Variants in RAD50 observed in about 807,000 individuals in gnomAD.
The protein encoded by RAD50 is RAD50 double strand break repair protein.
Under a neutral mutation model 168.8 loss-of-function variants are expected in RAD50, and 132 were observed. The observed-to-expected ratio is 0.78, with a 90% CI of 0.68 to 0.90. RAD50 has a LOEUF of 0.90. Among genes scored for constraint, RAD50 ranks in the 40% least tolerant of loss-of-function variants. The probability of loss-of-function intolerance (pLI) is 0.00; values close to 1 mark genes in which losing one functional copy is unlikely to be tolerated. For synonymous variants in RAD50, 525 were observed against 497.4 expected, an observed-to-expected ratio of 1.06 and a Z score of -0.74; for missense variants, 1,347 against 1,534.4, an observed-to-expected ratio of 0.88 and a Z score of 2.04.
intron 2 of RAD50, among the ~76,000 whole-genome samples, chr5:132,566,377 C>A (rs1347950398): frequency 2.0e-5 from 3 of 152,196 alleles, no homozygotes; most frequent in Non-Finnish European, 1.5e-5. Flanking sequence ...CTCCTTAGTT[C>A]AACTACTGTG....
At chr5:132,598,573 G>A (rs781554819) in intron 13 of RAD50, among the ~76,000 whole-genome samples, 42 of 152,006 alleles carry the variant, frequency 2.8e-4, no homozygotes, top group African/African-American at 8.5e-4. Context: ...GGGGTCTTAC[G>A]GTTGCAGTCA....
In RAD50 at chr5:132,604,790, A is replaced by T. The variant is rs1204782492; in HGVS notation, c.2525-16A>T. The T allele has an allele frequency of 1.3e-6, 2 of 1,576,306 alleles. No homozygotes were observed. Among genetic ancestry groups the T allele is most frequent in the Non-Finnish European group, 1.7e-6 (2 of 1,147,810 alleles). On this transcript the variant is annotated splice_polypyrimidine_tract_variant and intron_variant, in intron 15 of 24. Transcript: ENST00000378823. The stretch of plus-strand genomic sequence containing the variant: ...TGCCCTTACATTAATTACTGTGATA[A>T]TATGTTTTTGTGTAGTTTCTAGTAA...
In RAD50 at chr5:132,591,232, G is replaced by A. The variant is rs2149842117; in HGVS notation, c.1461G>A (p.Glu487=). 2 of 1,609,988 alleles carry A rather than the reference G, an allele frequency of 1.2e-6. No homozygotes were observed. Among genetic ancestry groups the A allele is most frequent in the South Asian group, 1.1e-5 (1 of 91,004 alleles). ...TATGAATTATTGACTAGGAACGTGAGTTAAGCAAGGCTGAGAAAAACAGCA... is the reference window on the plus strand; with the variant it reads ...TATGAATTATTGACTAGGAACGTGAATTAAGCAAGGCTGAGAAAAACAGCA... ...LDQELIKAER[E]LSKAEKNSNV... The change falls in exon 10 of 25, where the codon GAG becomes GAA. Residue 487 remains glutamate, a synonymous_variant. Coordinates refer to ENST00000378823, the MANE Select transcript of RAD50 (RefSeq NM_005732.4).
Position 132,579,388 on chromosome 5 carries a change from T to A in RAD50, c.437T>A (p.Val146Asp). Residue 146 changes from valine to aspartate, a missense_variant, in exon 4 of 25, where the codon GTT becomes GAT. By Grantham distance (152) the Val-to-Asp change is radical. Around this residue, in one of 3 missense-constraint regions of RAD50, gnomAD observed 703 missense variants for 767.7 expected, o/e 0.92. Coordinates refer to ENST00000378823, the MANE Select transcript of RAD50 (RefSeq NM_005732.4). The stretch of plus-strand genomic sequence containing the variant: ...CGAGAAATGATCAGTTCTCTTGGGG[T>A]TTCCAAGGCTGTGCTAAATAATGTC... The part of the protein sequence containing the change: ...IDREMISSLG[V>D]SKAVLNNVIF... 1 of 1,613,818 alleles carries A rather than the reference T, an allele frequency of 6.2e-7. No homozygotes were observed. Among genetic ancestry groups the A allele is most frequent in the Non-Finnish European group, 8.5e-7 (1 of 1,179,826 alleles).
chr5:132,590,269 A>G (rs979897943), intron 9 of RAD50, among the ~76,000 whole-genome samples: 17 of 152,198 alleles, frequency 1.1e-4, no homozygotes, highest in African/African-American at 3.9e-4. Context: ...CAGGAGTTCA[A>G]GACCTGTCCA....
chr5:132,586,981 A>G (rs1238278547), intron 5 of RAD50, among the ~76,000 whole-genome samples: 1 of 152,208 alleles, frequency 6.6e-6, no homozygotes, highest in African/African-American at 2.4e-5. Flanking sequence ...AGCATCATCC[A>G]ATAAGAGAAT....
In RAD50 at chr5:132,609,147, A is replaced by G. The variant is rs2149849678; in HGVS notation, c.2860A>G (p.Ile954Val). ...TGATATTAAAGAGAAGGTTAAAAAT[A>G]TTCATGGCTATATGAAAGACATTGA... Reference protein sequence around the residue: ...LNDIKEKVKNIHGYMKDIENY... With the variant: ...LNDIKEKVKNVHGYMKDIENY... The change falls in exon 18 of 25, where the codon ATT (isoleucine) becomes GTT (valine). Residue 954 changes from isoleucine to valine, a missense_variant. Ile to Val is a conservative substitution (Grantham distance 29, BLOSUM62 3). Coordinates refer to ENST00000378823, the MANE Select transcript of RAD50 (RefSeq NM_005732.4). 1 of 1,611,974 alleles carries G rather than the reference A, an allele frequency of 6.2e-7. No homozygotes were observed. The highest frequency in any genetic ancestry group is 8.5e-7 in the Non-Finnish European group (1 of 1,179,074).
intron 19 of RAD50, among the ~76,000 whole-genome samples, chr5:132,613,263 T>G (rs1431463848): frequency 2.0e-5 from 3 of 152,176 alleles, no homozygotes; most frequent in Admixed American, 6.5e-5. Context: ...ATTTGGAAAC[T>G]TAACTGCCTT....
In RAD50 at chr5:132,617,873, G is replaced by A. The variant is rs36059629; in HGVS notation, c.3165-197G>A. Among the ~76,000 whole-genome samples the A allele has an allele frequency of 3.6e-3, 549 of 152,230 alleles. 5 individuals are homozygous for A. Among genetic ancestry groups the A allele is most frequent in the Non-Finnish European group, 6.0e-3 (406 of 68,012 alleles). On this transcript the variant is annotated intron_variant, in intron 20 of 24. Transcript: ENST00000378823. ...ATTAGCTATTTAGCAACCTATGTGCGGCAGAGATATGGAAGGAAGAGAGGG... is the reference window on the plus strand; with the variant it reads ...ATTAGCTATTTAGCAACCTATGTGCAGCAGAGATATGGAAGGAAGAGAGGG...
chr5:132,592,687 T>G lies in RAD50; in HGVS notation c.1793+653T>G, dbSNP rs116360543. 712 of 367,116 alleles carry G rather than the reference T, an allele frequency of 1.9e-3. 6 individuals are homozygous for G. Among genetic ancestry groups the G allele is most frequent in the African/African-American group, 0.013 (625 of 47,980 alleles). 22.7% of individuals were successfully genotyped at this position (367,116 alleles called of 1,614,324 possible). On this transcript the variant is annotated intron_variant, in intron 11 of 24. Coordinates refer to ENST00000378823, the MANE Select transcript of RAD50 (RefSeq NM_005732.4). ...CAACTGTTGCCATGACCTTTGCTCT[T>G]ATCTGGTCTGCTTTTGCTTTGACTG...
intron 2 of RAD50, among the ~76,000 whole-genome samples, chr5:132,560,523 T>C (rs755135845): frequency 6.6e-6 from 1 of 152,270 alleles, no homozygotes; most frequent in Admixed American, 6.5e-5. Flanking sequence ...TTGATGATCT[T>C]GCTTTGTACT....
intron 14 of RAD50, 145 bp downstream of exon 14, chr5:132,603,634 G>C: frequency 1.0e-6 from 1 of 972,220 alleles, no homozygotes; most frequent in Non-Finnish European, 1.6e-6. Context: ...CCCTCAGGGA[G>C]AAACTGCTTA....
At chr5:132,591,094 C>T in intron 9 of RAD50, 130 bp from the exon 10 acceptor site, 8 of 931,442 alleles carry the variant, frequency 8.6e-6, no homozygotes, top group Middle Eastern at 3.4e-4. Flanking sequence ...ATGTTTTTTT[C>T]TCTTGTTGGA....
intron 1 of RAD50, 75 bp downstream of exon 1, chr5:132,557,528 C>T (rs1750026230): frequency 2.5e-6 from 4 of 1,590,136 alleles, no homozygotes; most frequent in Non-Finnish European, 3.5e-6. Flanking sequence ...GTTGAGAACT[C>T]TCCTTAGGAG....
chr5:132,612,720 C>T (rs1751108191), intron 19 of RAD50, among the ~76,000 whole-genome samples: 1 of 151,914 alleles, frequency 6.6e-6, no homozygotes, highest in East Asian at 1.9e-4. Flanking sequence ...CCCAGCTACT[C>T]AGGAGGCTGA....
At chr5:132,598,410 T>C (rs1750829828) in intron 13 of RAD50, among the ~76,000 whole-genome samples, 3 of 152,218 alleles carry the variant, frequency 2.0e-5, no homozygotes, top group African/African-American at 7.2e-5. Context: ...CAGTTCCTTG[T>C]ATATTGCAAC....
chr5:132,566,610 G>A (rs1319694735), intron 2 of RAD50, among the ~76,000 whole-genome samples: 1 of 152,114 alleles, frequency 6.6e-6, no homozygotes, highest in East Asian at 1.9e-4. Context: ...CCTGCTTCAT[G>A]TCTTGTCTCA....
At position 132,620,757 on chromosome 5, in the gene RAD50, A is replaced by C. The variant is rs117529776; in HGVS notation, c.3389+2463A>C. Among the ~76,000 whole-genome samples, 760 of 152,316 alleles carry C rather than the reference A, an allele frequency of 5.0e-3. 40 individuals carry two copies. In the East Asian group the frequency reaches 0.11, roughly 23 times the overall value. On this transcript the variant is annotated intron_variant, in intron 21 of 24. Transcript: ENST00000378823. Reference sequence around the variant, plus strand: ...CTCAGAACTTAACTACTAATAGCCTACTGTTGACTGGAAGCCTTACTGATA... The same window carrying C: ...CTCAGAACTTAACTACTAATAGCCTCCTGTTGACTGGAAGCCTTACTGATA...
chr5:132,642,247 G>A lies in RAD50; in HGVS notation c.3822G>A (p.Val1274=), dbSNP rs1208030102. ...TAATCACTCATGATGAAGATTTTGT[G>A]GAGCTTTTAGGACGTTCTGAATATG... ...LLVITHDEDF[V]ELLGRSEYVE... is the part of the protein sequence containing the mutation. The change falls in exon 25 of 25, where the codon GTG becomes GTA. Residue 1274 remains valine (V), a synonymous_variant. Transcript: ENST00000378823. The A allele has an allele frequency of 6.2e-7, 1 of 1,613,988 alleles. No individual in the cohort carries two copies. Among genetic ancestry groups the A allele is most frequent in the Non-Finnish European group, 8.5e-7 (1 of 1,179,968 alleles).
Sources: allele counts gnomAD v4.1 joint callset (sites outside exome capture counted in the v4.1 genomes callset), GRCh38; gene constraint gnomAD v4.1.1; regional missense constraint gnomAD v4.1.1; transcripts MANE v1.5; gene names NCBI Gene and HGNC (gene_info 2026-07-23, HGNC 2026-07-21).